SPEN: variants seen among roughly 807,000 people sequenced by gnomAD.
SPEN encodes the protein msx2-interacting protein.
Under a neutral mutation model 269.9 loss-of-function variants are expected in SPEN, and 18 were observed. That is an observed-to-expected ratio of 0.07 (90% CI 0.05 to 0.10). SPEN has a LOEUF of 0.10. Among genes scored for constraint, SPEN ranks in the 10% least tolerant of loss-of-function variants. The pLI is 1.00. For synonymous variants in SPEN, 1,726 were observed against 1,765.7 expected, an observed-to-expected ratio of 0.98 and a Z score of 0.56; for missense variants, 3,822 against 4,631.2, an observed-to-expected ratio of 0.83 and a Z score of 5.07.
intron 1 of SPEN, among the ~76,000 whole-genome samples, chr1:15,850,685 G>T (rs1422931659): frequency 1.3e-5 from 2 of 152,148 alleles, no homozygotes; most frequent in Non-Finnish European, 2.9e-5. Context: ...CCTATTGTGG[G>T]ATATATTTTG....
In SPEN at chr1:15,937,551, T is replaced by C. The variant is rs554788618; in HGVS notation, c.10415T>C (p.Val3472Ala). The change falls in exon 12 of 15, where the codon GTT becomes GCT. Residue 3472 changes from valine (V) to alanine (A), a missense_variant. This residue lies in a region of SPEN where 359 missense variants were observed against 377.3 expected (regional missense o/e 0.95). Coordinates refer to ENST00000375759, the MANE Select transcript of SPEN (RefSeq NM_015001.3). This position sits in a 1 kb window ranked among gnomAD's most constrained non-coding sequence, Gnocchi z 5.7. ...GGCCCCAGCACCCCACCAGGACTGGTTCTGCCACACACTGAATTCCAGCCA... is the reference window on the plus strand; with the variant it reads ...GGCCCCAGCACCCCACCAGGACTGGCTCTGCCACACACTGAATTCCAGCCA... ...TSGPSTPPGL[V>A]LPHTEFQPAP... 4.2e-5 allele frequency: 68 copies of C among 1,614,110 alleles called. No individual in the cohort carries two copies. The South Asian group carries it at 6.9e-4, about 16-fold the overall frequency.
At chr1:15,849,340 C>T (rs2070309818) in intron 1 of SPEN, among the ~76,000 whole-genome samples, 1 of 152,240 alleles carries the variant, frequency 6.6e-6, no homozygotes, top group African/African-American at 2.4e-5. Context: ...GATTGCGTCG[C>T]TCGCTTTGAG....
At chr1:15,938,626 G>A in intron 13 of SPEN, 92 bp from the exon 14 acceptor site, 5 of 1,118,182 alleles carry the variant, frequency 4.5e-6, no homozygotes, top group Non-Finnish European at 6.1e-6. Flanking sequence ...TCTCAGAGGT[G>A]GGGGTTTTTG....
In SPEN at chr1:15,940,247, TGCGC is replaced by T. The variant is rs1299270731; in HGVS notation, c.*821_*824del. On this transcript the variant is annotated 3_prime_UTR_variant, in exon 15 of 15. Coordinates refer to ENST00000375759, the MANE Select transcript of SPEN (RefSeq NM_015001.3). ...TGTATTGCCCACTCATTTGTATAAG[TGCGC>T]TTCGGTACAGCACGGGTCCTGCTCC... The T allele has an allele frequency of 3.9e-5, 9 of 233,088 alleles. No individual in the cohort carries two copies. The highest frequency in any genetic ancestry group is 7.6e-5 in the Non-Finnish European group (9 of 117,754). The allele number at this position is 233,088 out of a possible 1,614,324, so 14.4% of individuals were successfully genotyped here. A position where few individuals can be genotyped will look rare whatever the true frequency, so the allele number is the denominator to read the frequency against.
At chr1:15,908,301 C>T (rs1355804951) in intron 3 of SPEN, among the ~76,000 whole-genome samples, 3 of 152,124 alleles carry the variant, frequency 2.0e-5, no homozygotes, top group African/African-American at 4.8e-5. Context: ...TGGCTTCGAG[C>T]GATCCTGCCA....
At position 15,929,031 on chromosome 1, in the gene SPEN, A is replaced by G. The variant is rs2071195767; in HGVS notation, c.2791A>G (p.Lys931Glu). The G allele has an allele frequency of 6.2e-7, 1 of 1,614,214 alleles. No individual in the cohort carries two copies. The change falls in exon 11 of 15, where the codon AAA becomes GAA. Residue 931 changes from lysine to glutamate, a missense_variant. Coordinates refer to ENST00000375759, the MANE Select transcript of SPEN (RefSeq NM_015001.3). The surrounding 1 kb of genome is among the most constrained non-coding windows in gnomAD (Gnocchi z 5.8). ...QTEPAKSDLS[K>E]LESVRMKVPK... Reference sequence around the variant, plus strand: ...GGAGCCTGCAAAATCTGACTTGTCTAAACTGGAATCAGTTAGAATGAAAGT... The same window carrying G: ...GGAGCCTGCAAAATCTGACTTGTCTGAACTGGAATCAGTTAGAATGAAAGT...
Position 15,911,185 on chromosome 1 carries a change from A to G in SPEN, c.1127A>G (p.Glu376Gly), listed in dbSNP as rs746897546. The G allele has an allele frequency of 6.2e-7, 1 of 1,614,196 alleles. No individual in the cohort carries two copies. Among genetic ancestry groups the G allele is most frequent in the South Asian group, 1.1e-5 (1 of 91,086 alleles). Residue 376 changes from glutamate to glycine, a missense_variant, in exon 5 of 15, where the codon GAG becomes GGG. Glu to Gly is a moderately conservative substitution (Grantham distance 98). This residue lies in a region of SPEN where 230 missense variants were observed against 426.1 expected (regional missense o/e 0.54). Transcript: ENST00000375759. ...TSVQIHGTSE[E>G]RYGLVFFRQQ... is the part of the protein sequence containing the mutation. ...GTGCAGATACATGGAACTTCAGAAGAGAGGTATGGTCTGGTATTCTTTCGG... is the reference window on the plus strand; with the variant it reads ...GTGCAGATACATGGAACTTCAGAAGGGAGGTATGGTCTGGTATTCTTTCGG...
chr1:15,931,046 G>A lies in SPEN; in HGVS notation c.4806G>A (p.Gln1602=), dbSNP rs1263287562. 6.2e-7 allele frequency: 1 copy of A among 1,613,496 alleles called. No individual in the cohort carries two copies. Among genetic ancestry groups the A allele is most frequent in the Non-Finnish European group, 8.5e-7 (1 of 1,179,886 alleles). The stretch of plus-strand genomic sequence containing the variant: ...AACAGAAAGAAAAAGAAAAAGACCA[G>A]AAACCCAAAGAGGTTGAGAAACAGG... The part of the protein sequence containing the change: ...RMQQKEKEKD[Q]KPKEVEKQED... Residue 1602 remains glutamine, a synonymous_variant, in exon 11 of 15, where the codon CAG becomes CAA. Coordinates refer to ENST00000375759, the MANE Select transcript of SPEN (RefSeq NM_015001.3). This position sits in a 1 kb window ranked among gnomAD's most constrained non-coding sequence, Gnocchi z 4.8.
chr1:15,938,465 TTGG>T (rs1357098475), intron 13 of SPEN: 1 of 382,352 alleles, frequency 2.6e-6, no homozygotes, highest in Non-Finnish European at 4.7e-6. Context: ...ATGCTTCTAC[TTGG>T]TGGGGGGATG....
intron 3 of SPEN, among the ~76,000 whole-genome samples, chr1:15,897,530 A>G (rs920755014): frequency 6.6e-6 from 1 of 152,000 alleles, no homozygotes; most frequent in African/African-American, 2.4e-5. Flanking sequence ...CCCAGCTAAT[A>G]TTGTATTTTT....
chr1:15,915,584 G>A (rs1002512718), intron 5 of SPEN, among the ~76,000 whole-genome samples: 2 of 152,086 alleles, frequency 1.3e-5, no homozygotes, highest in Non-Finnish European at 2.9e-5. Context: ...ACCCAGCCTG[G>A]AGTGCAGTGG....
At chr1:15,922,872 C>G (rs1321377479) in intron 10 of SPEN, among the ~76,000 whole-genome samples, 1 of 152,132 alleles carries the variant, frequency 6.6e-6, no homozygotes, top group Admixed American at 6.5e-5. Context: ...CTTTGGCCTC[C>G]CAAAGCGCTG....
intron 3 of SPEN, 80 bp from the exon 4 acceptor site, chr1:15,909,237 ATTAG>A: frequency 6.9e-7 from 1 of 1,439,672 alleles, no homozygotes; most frequent in Admixed American, 2.1e-5. Flanking sequence ...ATTTAGACCT[ATTAG>A]TTATTTTAAG....
intron 8 of SPEN, 132 bp downstream of exon 8, chr1:15,919,649 A>T (rs190774922): frequency 1.9e-6 from 1 of 539,682 alleles, no homozygotes; most frequent in Non-Finnish European, 3.2e-6. Flanking sequence ...GTTTGCTAAG[A>T]TTTGGTCAAT....
chr1:15,894,542 T>A (rs1053397061), intron 3 of SPEN, among the ~76,000 whole-genome samples: 1 of 143,712 alleles, frequency 7.0e-6, no homozygotes, highest in Non-Finnish European at 1.5e-5. Flanking sequence ...GGTTGTTTTT[T>A]TTTTTTTTTT....
intron 3 of SPEN, among the ~76,000 whole-genome samples, chr1:15,902,464 TA>T (rs35401929): frequency 6.6e-6 from 1 of 151,602 alleles, no homozygotes; most frequent in African/African-American, 2.4e-5. Flanking sequence ...TTTGGACTTA[TA>T]AAAAAAATGA....
rs773505295 is a variant in SPEN at position 15,931,904 on chromosome 1, A to T, written c.5664A>T (p.Glu1888Asp). 7.4e-6 allele frequency: 12 copies of T among 1,614,248 alleles called. No individual in the cohort carries two copies. The highest frequency in any genetic ancestry group is 1.0e-5 in the Non-Finnish European group (12 of 1,180,050). The change falls in exon 11 of 15, where the codon GAA becomes GAT. Residue 1888 changes from glutamate to aspartate, a missense_variant. This residue lies in a region of SPEN where 533 missense variants were observed against 618.8 expected (regional missense o/e 0.86). Transcript: ENST00000375759. The surrounding 1 kb of genome is among the most constrained non-coding windows in gnomAD (Gnocchi z 4.8). ...CTAAAAACTCTGCTGCAGACCTTGA[A>T]CATCCCGAACCAAGTTTGCCTCTCA... ...TASKNSAADL[E>D]HPEPSLPLSR...
chr1:15,881,525 A>C (rs2070687236), intron 3 of SPEN, among the ~76,000 whole-genome samples: 3 of 152,230 alleles, frequency 2.0e-5, no homozygotes, highest in Non-Finnish European at 4.4e-5. Flanking sequence ...GCCTGAATGC[A>C]TATCACAGAA....
chr1:15,939,701 T>C lies in SPEN; in HGVS notation c.*274T>C. The C allele has an allele frequency of 3.0e-6, 1 of 331,212 alleles. No homozygotes were observed. Among genetic ancestry groups the C allele is most frequent in the Non-Finnish European group, 5.5e-6 (1 of 182,646 alleles). The allele number at this position is 331,212 out of a possible 1,614,324, so 20.5% of individuals were successfully genotyped here. Reference sequence around the variant, plus strand: ...GGGGCTGGGTTTCTCTTTCCTCTTTTTGGAGAAAAGGAACAGGGCAGTGGA... The same window carrying C: ...GGGGCTGGGTTTCTCTTTCCTCTTTCTGGAGAAAAGGAACAGGGCAGTGGA... On this transcript the variant is annotated 3_prime_UTR_variant, in exon 15 of 15. Transcript: ENST00000375759. This position sits in a 1 kb window ranked among gnomAD's most constrained non-coding sequence, Gnocchi z 4.1.
Sources: gnomAD v4.1 joint callset for allele counts (sites outside exome capture counted in the v4.1 genomes callset) on GRCh38, gnomAD v4.1.1 for gene constraint, gnomAD v4.1.1 regional missense constraint, Gnocchi (gnomAD v3.1) non-coding constraint, MANE v1.5 for transcripts, NCBI Gene and HGNC (gene_info 2026-07-23, HGNC 2026-07-21) for gene names.